The following MTM1 variants were observed in gnomAD, a reference collection of about 807,000 sequenced individuals.
MTM1 encodes the protein myotubularin.
A neutral mutation model predicts 52.1 loss-of-function variants in MTM1; 9 were observed. That is an observed-to-expected ratio of 0.17 (90% confidence interval 0.10 to 0.30). The LOEUF (loss-of-function observed/expected upper bound fraction) is 0.30, where lower values mean the gene tolerates loss of function less well. Ranked by LOEUF, MTM1 falls within the 10% of genes least tolerant of loss-of-function variation. The probability of loss-of-function intolerance (pLI) is 1.00; values close to 1 mark genes in which losing one functional copy is unlikely to be tolerated. For missense variants in MTM1, 277 were observed against 470.7 expected, an observed-to-expected ratio of 0.59 and a Z score of 3.81; for synonymous variants, 136 against 163.8, an observed-to-expected ratio of 0.83 and a Z score of 1.29.
intron 6 of MTM1, among the ~76,000 whole-genome samples, chrX:150,629,407 G>T (rs1216237196): frequency 2.7e-5 from 3 of 111,580 alleles, no homozygotes; most frequent in African/African-American, 9.8e-5. Context: ...GGCATTCTCT[G>T]GGCCTCATAG....
chrX:150,647,005 C>T lies in MTM1; in HGVS notation c.867+1134C>T, dbSNP rs182793316. On this transcript the variant is annotated intron_variant, in intron 9 of 14. Transcript: ENST00000370396. ...CTTTTAAACCAGCTATTTGTTACTA[C>T]GGTTGTTTTTTGGTCCAGAGATGAT... Among the ~76,000 whole-genome samples, 20 of 110,816 alleles carry T rather than the reference C, an allele frequency of 1.8e-4. 1 individual carries two copies. The highest frequency in any genetic ancestry group is 6.8e-4 in the Admixed American group (7 of 10,344).
intron 2 of MTM1, among the ~76,000 whole-genome samples, chrX:150,595,074 A>G (rs1197911092): frequency 1.8e-5 from 2 of 111,296 alleles, no homozygotes; most frequent in Non-Finnish European, 3.8e-5. Flanking sequence ...AAGATTCAGC[A>G]TAACACCCCT....
chrX:150,653,989 T>G (rs2040070696), intron 10 of MTM1, among the ~76,000 whole-genome samples: 1 of 111,517 alleles, frequency 9.0e-6, no homozygotes. Context: ...GGTTACTCAA[T>G]TGGCCCAAAG....
chrX:150,669,155 T>G (rs1171899748), intron 14 of MTM1, among the ~76,000 whole-genome samples: 3 of 111,506 alleles, frequency 2.7e-5, no homozygotes, highest in Admixed American at 1.9e-4. Flanking sequence ...CTGTGTTAGT[T>G]TGATGAGGAT....
chrX:150,596,637 G>T, intron 3 of MTM1, 67 bp downstream of exon 3: 1 of 911,817 alleles, frequency 1.1e-6, no homozygotes. Flanking sequence ...GGTGGCTTCA[G>T]TCCCGCTTAC....
chrX:150,595,533 TA>T (rs2038960957), intron 2 of MTM1, among the ~76,000 whole-genome samples: 1 of 112,426 alleles, frequency 8.9e-6, no homozygotes, highest in African/African-American at 3.2e-5. Flanking sequence ...GAAGCATGAG[TA>T]ACTTCACTTA....
intron 9 of MTM1, 38 bp from the exon 10 acceptor site, chrX:150,649,678 A>C (rs890149065): frequency 1.8e-6 from 2 of 1,138,377 alleles, no homozygotes; most frequent in Non-Finnish European, 2.4e-6. Context: ...TGAAATAGAA[A>C]ACTCAACTGA....
intron 14 of MTM1, among the ~76,000 whole-genome samples, chrX:150,667,085 C>T (rs782515174): frequency 8.9e-6 from 1 of 112,217 alleles, no homozygotes; most frequent in East Asian, 2.8e-4. Context: ...GATCATGCCA[C>T]TCGCCTGCTA....
intron 10 of MTM1, 43 bp downstream of exon 10, chrX:150,649,944 T>C: frequency 8.9e-7 from 1 of 1,118,071 alleles, no homozygotes; most frequent in South Asian, 2.0e-5. Context: ...TAAAAAAGAA[T>C]GTAATTGTTT....
chrX:150,631,443 A>G (rs1159928076), intron 6 of MTM1, among the ~76,000 whole-genome samples: 1 of 111,571 alleles, frequency 9.0e-6, no homozygotes, highest in African/African-American at 3.3e-5. Context: ...CAGGCAGATC[A>G]CCTGAGGTCA....
At chrX:150,635,458 G>C (rs1260979549) in intron 6 of MTM1, among the ~76,000 whole-genome samples, 5 of 112,018 alleles carry the variant, frequency 4.5e-5, no homozygotes, top group African/African-American at 1.6e-4. Flanking sequence ...TACATTGTCT[G>C]GAAGAGAAAG....
intron 1 of MTM1, among the ~76,000 whole-genome samples, chrX:150,575,455 G>C (rs2038455015): frequency 8.9e-6 from 1 of 112,381 alleles, no homozygotes; most frequent in African/African-American, 3.2e-5. Context: ...GAATCACCTG[G>C]ACTTCGAGTT....
At chrX:150,567,330 T>C (rs782517264), upstream of MTM1, among the ~76,000 whole-genome samples, 1 of 111,431 alleles carries the variant, frequency 9.0e-6, no homozygotes, top group East Asian at 2.8e-4. Flanking sequence ...ATATAAATGA[T>C]ATATGAATAT....
Position 150,638,954 on chromosome X carries a change from A to G in MTM1, c.456A>G (p.Ala152=). The G allele has an allele frequency of 8.3e-7, 1 of 1,204,692 alleles. No individual in the cohort carries two copies. The highest frequency in any genetic ancestry group is 1.1e-6 in the Non-Finnish European group (1 of 889,185). The stretch of plus-strand genomic sequence containing the variant: ...TTTGCCTTTTCTAGCCATTATTTGC[A>G]TTTTTAAATGAAGAAAAGTTTAACG... The part of the protein sequence containing the change: ...FPLAHSLPLF[A]FLNEEKFNVD... The change falls in exon 7 of 15, where the codon GCA becomes GCG. Residue 152 remains alanine, a synonymous_variant. Coordinates refer to ENST00000370396, the MANE Select transcript of MTM1 (RefSeq NM_000252.3).
chrX:150,668,902 T>TC (rs2040349072), intron 14 of MTM1, among the ~76,000 whole-genome samples: 1 of 109,532 alleles, frequency 9.1e-6, no homozygotes, highest in South Asian at 3.9e-4. Flanking sequence ...TCTTTTTTTT[T>TC]CTTTTCTTTC....
chrX:150,607,345 A>G (rs190831061), intron 4 of MTM1, among the ~76,000 whole-genome samples: 54 of 111,170 alleles, frequency 4.9e-4, no homozygotes, highest in Middle Eastern at 9.3e-3. Context: ...CACTGATACT[A>G]TCATCCTCTT....
chrX:150,656,442 A>G (rs1291237392), intron 10 of MTM1, among the ~76,000 whole-genome samples: 2 of 111,924 alleles, frequency 1.8e-5, no homozygotes, highest in African/African-American at 3.2e-5. Flanking sequence ...AGTGGTGAGC[A>G]TGGCACTGCC....
intron 1 of MTM1, among the ~76,000 whole-genome samples, chrX:150,582,021 CT>C (rs1294575274): frequency 9.0e-6 from 1 of 111,469 alleles, no homozygotes; most frequent in African/African-American, 3.3e-5. Flanking sequence ...ACTATTTAAC[CT>C]TTTTTATACA....
At chrX:150,664,931 A>T (rs1177759641) in intron 14 of MTM1, among the ~76,000 whole-genome samples, 1 of 111,840 alleles carries the variant, frequency 8.9e-6, no homozygotes, top group Non-Finnish European at 1.9e-5. Flanking sequence ...AAATTCAAGG[A>T]ATTTGGAGCA....
Sources: gnomAD v4.1 joint callset for allele counts (sites outside exome capture counted in the v4.1 genomes callset) on GRCh38, gnomAD v4.1.1 for gene constraint, MANE v1.5 for transcripts, NCBI Gene and HGNC (gene_info 2026-07-23, HGNC 2026-07-21) for gene names.